The following CLASP1 variants were observed in gnomAD, a reference collection of about 807,000 sequenced individuals.
The protein encoded by CLASP1 is CLIP-associating protein 1.
CLASP1 carries 38 observed loss-of-function variants against 192.3 expected under a neutral mutation model. That is an observed-to-expected ratio of 0.20 (90% CI 0.15 to 0.26). The LOEUF is 0.26. Ranked by LOEUF, CLASP1 falls within the 10% of genes least tolerant of loss-of-function variation. The pLI, the probability that CLASP1 is intolerant of heterozygous loss-of-function variation, is 1.00. For synonymous variants in CLASP1, 691 were observed against 712.8 expected (o/e 0.97, Z 0.49); for missense variants, 1,433 against 1,932.5 (o/e 0.74, Z 4.85).
intron 14 of CLASP1, among the ~76,000 whole-genome samples, chr2:121,455,323 T>C (rs2086397662): frequency 6.6e-6 from 1 of 152,190 alleles, no homozygotes; most frequent in Non-Finnish European, 1.5e-5. Context: ...AAAAATGAAG[T>C]CAATATGTTG....
At chr2:121,482,257 T>C (rs1422163338) in intron 8 of CLASP1, among the ~76,000 whole-genome samples, 1 of 151,970 alleles carries the variant, frequency 6.6e-6, no homozygotes, top group Non-Finnish European at 1.5e-5. Flanking sequence ...CTAGCCAGCT[T>C]CCCTCTGCAC....
chr2:121,526,463 C>T (rs2094576635), intron 5 of CLASP1, among the ~76,000 whole-genome samples: 2 of 152,290 alleles, frequency 1.3e-5, no homozygotes, highest in South Asian at 4.1e-4. Context: ...CCTGTCATGA[C>T]AAATAGCCTT....
At chr2:121,434,372 T>G (rs991442521) in intron 19 of CLASP1, among the ~76,000 whole-genome samples, 1 of 152,112 alleles carries the variant, frequency 6.6e-6, no homozygotes, top group Non-Finnish European at 1.5e-5. Flanking sequence ...CCTCCCACCT[T>G]AGCCTTCTAG....
intron 2 of CLASP1, among the ~76,000 whole-genome samples, chr2:121,601,313 C>T (rs1477018774): frequency 6.7e-6 from 1 of 150,084 alleles, no homozygotes; most frequent in Non-Finnish European, 1.5e-5. Context: ...TGCTCTGTCG[C>T]CCAGGCTGGA....
chr2:121,563,764 TAAAC>T (rs1029086887), intron 2 of CLASP1, among the ~76,000 whole-genome samples: 31 of 152,200 alleles, frequency 2.0e-4, no homozygotes, highest in Admixed American at 1.2e-3. Flanking sequence ...TTGGGAGAAA[TAAAC>T]AAAAAAGAAT....
At chr2:121,511,254 G>A (rs2094126472) in intron 7 of CLASP1, among the ~76,000 whole-genome samples, 1 of 152,098 alleles carries the variant, frequency 6.6e-6, no homozygotes, top group Non-Finnish European at 1.5e-5. Flanking sequence ...GACTTTATTT[G>A]ATAGATGAGG....
intron 2 of CLASP1, among the ~76,000 whole-genome samples, chr2:121,565,342 T>C (rs997894515): frequency 2.0e-5 from 3 of 152,192 alleles, no homozygotes; most frequent in Non-Finnish European, 4.4e-5. Context: ...GACTACTTTC[T>C]CCAGTAAATC....
intron 26 of CLASP1, chr2:121,403,764 C>T (rs775090236): frequency 2.1e-6 from 1 of 469,716 alleles, no homozygotes; most frequent in South Asian, 1.5e-5. Flanking sequence ...GGCATTTCCC[C>T]CTCAGCTGGG....
chr2:121,369,495 T>TA (rs939256623), intron 34 of CLASP1, among the ~76,000 whole-genome samples: 26 of 151,588 alleles, frequency 1.7e-4, no homozygotes, highest in African/African-American at 3.9e-4. Flanking sequence ...ACAGGAGGTT[T>TA]AAAAAAAACA....
intron 19 of CLASP1, among the ~76,000 whole-genome samples, chr2:121,444,028 GGGTTTAAGCCTCTATTTA>G (rs1410797602): frequency 6.6e-6 from 1 of 152,180 alleles, no homozygotes; most frequent in African/African-American, 2.4e-5. Flanking sequence ...GAAGGTTGGT[GGGTTTAAGCCTCTATTTA>G]GGCAGAGAAG....
chr2:121,344,733 A>G (rs2063230567), intron 39 of CLASP1, among the ~76,000 whole-genome samples: 1 of 152,196 alleles, frequency 6.6e-6, no homozygotes, highest in African/African-American at 2.4e-5. Context: ...CTAGTCAAGG[A>G]AATTGAGACA....
intron 8 of CLASP1, among the ~76,000 whole-genome samples, chr2:121,478,792 A>ACACACC (rs1559367221): frequency 5.5e-4 from 13 of 23,426 alleles, no homozygotes; most frequent in African/African-American, 2.4e-3. Flanking sequence ...CCCCACACAC[A>ACACACC]CCACACACCA....
chr2:121,628,929 G>A (rs1056023419), intron 1 of CLASP1, among the ~76,000 whole-genome samples: 2 of 147,424 alleles, frequency 1.4e-5, no homozygotes, highest in Non-Finnish European at 3.0e-5. Context: ...ATATCAAGTT[G>A]TTCACTGCAG....
At chr2:121,409,096 T>C in intron 24 of CLASP1, 2 of 1,474,052 alleles carry the variant, frequency 1.4e-6, no homozygotes, top group Non-Finnish European at 1.9e-6. Flanking sequence ...TAGAGAATTA[T>C]GTCAGAAGCA....
intron 2 of CLASP1, 64 bp downstream of exon 2, chr2:121,605,637 G>T: frequency 8.0e-7 from 1 of 1,244,774 alleles, no homozygotes; most frequent in Non-Finnish European, 1.2e-6. Context: ...TTTTATAAGG[G>T]CCAATTTTGA....
At chr2:121,354,294 CT>C (rs2065019547) in intron 37 of CLASP1, among the ~76,000 whole-genome samples, 1 of 152,206 alleles carries the variant, frequency 6.6e-6, no homozygotes, top group South Asian at 2.1e-4. Flanking sequence ...CAGACTAGTT[CT>C]TTGGAAAAGA....
Position 121,587,703 on chromosome 2 carries a change from C to T in CLASP1, c.195+17998G>A, listed in dbSNP as rs192378735. ...AAAATTAGATGGGTGTACTGGCACA[C>T]GCCTGTAGTCCCAGCTACTCAGGAG... On this transcript the variant is annotated intron_variant, in intron 2 of 39. Coordinates refer to ENST00000263710, the Ensembl canonical transcript of CLASP1. Among the ~76,000 whole-genome samples the T allele has an allele frequency of 7.5e-4, 113 of 151,204 alleles. 2 individuals carry two copies. The highest frequency in any genetic ancestry group is 2.6e-3 in the African/African-American group (108 of 41,188).
chr2:121,352,622 T>C (rs1280634020), intron 37 of CLASP1, among the ~76,000 whole-genome samples: 1 of 152,176 alleles, frequency 6.6e-6, no homozygotes, highest in Non-Finnish European at 1.5e-5. Flanking sequence ...GGTCTAAGCT[T>C]CCATTTTTTA....
chr2:121,447,173 G>A (rs1446717729), intron 19 of CLASP1, among the ~76,000 whole-genome samples, 164 bp downstream of exon 19: 1 of 152,220 alleles, frequency 6.6e-6, no homozygotes, highest in African/African-American at 2.4e-5. Flanking sequence ...CTCAACAAGG[G>A]TGGCTGGCTG....
Sources: allele counts gnomAD v4.1 joint callset (sites outside exome capture counted in the v4.1 genomes callset), GRCh38; gene constraint gnomAD v4.1.1; transcripts MANE v1.5; gene names NCBI Gene and HGNC (gene_info 2026-07-23, HGNC 2026-07-21).